ELN: variants seen among roughly 807,000 people sequenced by gnomAD.
ELN encodes elastin.
ELN carries 65 observed loss-of-function variants against 105.8 expected under a neutral mutation model. The ratio of observed to expected loss-of-function variants is 0.61; its 90% CI spans 0.50 to 0.75. ELN has a LOEUF of 0.75. Ranked by LOEUF, ELN falls within the 30% of genes least tolerant of loss-of-function variation. The probability of loss-of-function intolerance (pLI) is 0.00; values close to 1 mark genes in which losing one functional copy is unlikely to be tolerated. For missense variants in ELN, 882 were observed against 969.4 expected (o/e 0.91, Z 1.20); for synonymous variants, 368 against 389.2 (o/e 0.95, Z 0.64).
At chr7:74,042,801 C>T in intron 6 of ELN, 95 bp downstream of exon 6, 4 of 1,546,924 alleles carry the variant, frequency 2.6e-6, no homozygotes, top group South Asian at 2.3e-5. Context: ...GGCTTGGGAG[C>T]CGGGTGGGTG....
chr7:74,055,163 G>A (rs1283336370), intron 19 of ELN, among the ~76,000 whole-genome samples: 4 of 152,252 alleles, frequency 2.6e-5, no homozygotes, highest in Non-Finnish European at 5.9e-5. Context: ...TAAAGGGCTG[G>A]GTGCAGTGGC....
At position 74,063,749 on chromosome 7, in the gene ELN, A is replaced by C; in HGVS notation, c.1993+54A>C. 6.2e-7 allele frequency: 1 copy of C among 1,609,156 alleles called. No individual in the cohort carries two copies. Among genetic ancestry groups the C allele is most frequent in the Non-Finnish European group, 8.5e-7 (1 of 1,175,718 alleles). On this transcript the variant is annotated intron_variant, in intron 29 of 32. Transcript: ENST00000252034. The surrounding 1 kb of genome is among the most constrained non-coding windows in gnomAD (Gnocchi z 4.1). ...TGTGTGGTGTGTGTATGCGAGACAG[A>C]GATGGAGACAGAGACAGAGACAGAG... is the stretch of plus-strand genomic sequence containing the variant.
Position 74,048,212 on chromosome 7 carries a change from C to A in ELN, c.745+11C>A. 1.2e-6 allele frequency: 2 copies of A among 1,613,954 alleles called. No homozygotes were observed. The highest frequency in any genetic ancestry group is 1.7e-6 in the Non-Finnish European group (2 of 1,179,922). ...ACCCAACAGGGACAGGTAAGGAAAGCCTCACGTCACTTCCAGCCAAGGGAG... is the reference window on the plus strand; with the variant it reads ...ACCCAACAGGGACAGGTAAGGAAAGACTCACGTCACTTCCAGCCAAGGGAG... On this transcript the variant is annotated intron_variant, in intron 14 of 32. Coordinates refer to ENST00000252034, the MANE Select transcript of ELN (RefSeq NM_000501.4).
In ELN at chr7:74,050,086, CATCT is replaced by C. The variant is rs1419886850; in HGVS notation, c.799+1533_799+1536del. 5.3e-5 allele frequency among the ~76,000 whole-genome samples: 8 copies of C among 151,226 alleles called. No homozygotes were observed. The South Asian group carries it at 6.4e-4, about 12-fold the overall frequency. The stretch of plus-strand genomic sequence containing the variant: ...CCATTCATCCATCCATCCATCCATC[CATCT>C]ATTCCTCCATGCATCCATCCACCCA... On this transcript the variant is annotated intron_variant, in intron 15 of 32. Transcript: ENST00000252034.
At chr7:74,030,465 A>ATTTT (rs781804483) in intron 1 of ELN, among the ~76,000 whole-genome samples, 24 of 142,026 alleles carry the variant, frequency 1.7e-4, no homozygotes, top group Admixed American at 1.0e-3. Context: ...AGTATCAGGG[A>ATTTT]TTTTTTTTTT....
intron 15 of ELN, among the ~76,000 whole-genome samples, chr7:74,051,309 G>C (rs782361362): frequency 1.3e-5 from 2 of 152,218 alleles, no homozygotes; most frequent in African/African-American, 2.4e-5. Flanking sequence ...GGCCCCAGCG[G>C]CTGGTGGGGA....
intron 18 of ELN, 134 bp from the exon 19 acceptor site, chr7:74,054,582 A>G: frequency 3.4e-6 from 3 of 890,220 alleles, no homozygotes; most frequent in South Asian, 2.7e-5. Context: ...CAGTGCATAA[A>G]TGGATGTGTA....
At chr7:74,051,895 G>A (rs1244574824) in intron 16 of ELN, 29 bp from the exon 17 acceptor site, 22 of 1,614,012 alleles carry the variant, frequency 1.4e-5, no homozygotes, top group Non-Finnish European at 1.8e-5. Context: ...ACAGGGCAAG[G>A]ACCTCACCCT....
chr7:74,064,222 T>A (rs1224904322), intron 29 of ELN, among the ~76,000 whole-genome samples: 2 of 151,618 alleles, frequency 1.3e-5, no homozygotes, highest in Admixed American at 1.3e-4. Flanking sequence ...AAGACCATCC[T>A]GGCTAACACA....
chr7:74,060,534 C>T, intron 25 of ELN, 33 bp downstream of exon 25: 5 of 1,614,212 alleles, frequency 3.1e-6, no homozygotes, highest in Non-Finnish European at 4.2e-6. Flanking sequence ...GAGCCTGTCC[C>T]CTGAGCTCAG....
At chr7:74,046,150 A>G (rs1355020261) in intron 10 of ELN, 38 bp from the exon 11 acceptor site, 2 of 1,614,134 alleles carry the variant, frequency 1.2e-6, no homozygotes, top group Non-Finnish European at 1.7e-6. Flanking sequence ...CAGTGTCCAC[A>G]GTTCCAGGGC....
intron 1 of ELN, 85 bp downstream of exon 1, chr7:74,028,354 C>A: frequency 1.4e-6 from 2 of 1,473,928 alleles, no homozygotes; most frequent in Non-Finnish European, 1.8e-6. Context: ...AGGGGGAGAC[C>A]TTCGTCCCTG....
chr7:74,034,181 C>T (rs888007612), intron 1 of ELN, among the ~76,000 whole-genome samples: 4 of 152,196 alleles, frequency 2.6e-5, no homozygotes, highest in African/African-American at 4.8e-5. Context: ...TGGCTGAGGA[C>T]GCTGACCTCA....
At position 74,028,862 on chromosome 7, in the gene ELN, T is replaced by TTG. The variant is rs143136809; in HGVS notation, c.82+612_82+613dup. On this transcript the variant is annotated intron_variant, in intron 1 of 32. Coordinates refer to ENST00000252034, the MANE Select transcript of ELN (RefSeq NM_000501.4). Reference sequence around the variant, plus strand: ...GCAGGCAGGGACTCCTGGTATGCATTTGTGTGTGTGTGTGTGTGTGCATGC... The same window carrying TTG: ...GCAGGCAGGGACTCCTGGTATGCATTTGTGTGTGTGTGTGTGTGTGTGCATGC... Among the ~76,000 whole-genome samples the TTG allele has an allele frequency of 1.9e-3, 279 of 149,294 alleles. 1 individual carries two copies. The highest frequency in any genetic ancestry group is 4.8e-3 in the East Asian group (24 of 5,036).
chr7:74,031,859 A>AGG (rs1554662428), intron 1 of ELN, among the ~76,000 whole-genome samples: 20 of 146,128 alleles, frequency 1.4e-4, no homozygotes, highest in African/African-American at 2.3e-4. Flanking sequence ...GAAGGAAGGA[A>AGG]AGAAGGAAGG....
intron 8 of ELN, chr7:74,043,411 G>C: frequency 5.6e-6 from 4 of 719,582 alleles, no homozygotes; most frequent in Admixed American, 2.0e-5. Context: ...GTGGCAGGCT[G>C]TCGGGCGACA....
At chr7:74,030,551 T>C (rs1429268177) in intron 1 of ELN, among the ~76,000 whole-genome samples, 1 of 151,880 alleles carries the variant, frequency 6.6e-6, no homozygotes, top group African/African-American at 2.4e-5. Flanking sequence ...TTTTTATTTT[T>C]ATTTTTTTAC....
At chr7:74,037,166 C>T (rs1331677525) in intron 3 of ELN, among the ~76,000 whole-genome samples, 1 of 150,838 alleles carries the variant, frequency 6.6e-6, no homozygotes, top group Non-Finnish European at 1.5e-5. Flanking sequence ...AAAAACCTCC[C>T]TGCCAAGCCG....
chr7:74,031,233 AT>A (rs1167971740), intron 1 of ELN, among the ~76,000 whole-genome samples: 2 of 152,032 alleles, frequency 1.3e-5, no homozygotes, highest in Non-Finnish European at 2.9e-5. Flanking sequence ...CTGGTTCTCC[AT>A]TTCCCTGGCT....
Sources: allele counts gnomAD v4.1 joint callset (sites outside exome capture counted in the v4.1 genomes callset), GRCh38; gene constraint gnomAD v4.1.1; non-coding constraint Gnocchi (gnomAD v3.1); transcripts MANE v1.5; gene names NCBI Gene and HGNC (gene_info 2026-07-23, HGNC 2026-07-21).